GNB1: variants seen among roughly 807,000 people sequenced by gnomAD.
GNB1 encodes guanine nucleotide-binding protein G(I)/G(S)/G(T) subunit beta-1.
GNB1 carries 2 observed loss-of-function variants against 42.9 expected under a neutral mutation model. The observed-to-expected ratio is 0.05, with a 90% CI of 0.02 to 0.15. The LOEUF is 0.15. GNB1 is among the 10% of genes least tolerant of loss of function. The pLI is 1.00. For synonymous variants in GNB1, 183 were observed against 174.7 expected (o/e 1.05, Z -0.38); for missense variants, 193 against 462.2 (o/e 0.42, Z 5.34).
intron 1 of GNB1, among the ~76,000 whole-genome samples, chr1:1,859,120 C>T (rs1268526808): frequency 1.3e-5 from 2 of 151,362 alleles, no homozygotes; most frequent in Admixed American, 6.6e-5. Context: ...CTCTCAGGTT[C>T]AATCAATTCT....
Position 1,790,511 on chromosome 1 carries a change from C to T in GNB1, c.583G>A (p.Asp195Asn). ...GDVMSLSLAPDTRLFVSGACD... is the reference protein window; with the variant it reads ...GDVMSLSLAPNTRLFVSGACD... ...GCACCAGAGACGAACAGTCTGGTGT[C>T]AGGAGCAAGAGAAAGGCTCATGACA... The change falls in exon 9 of 12, where the codon GAC becomes AAC. Residue 195 changes from aspartate to asparagine, a missense_variant. Around this residue, in one of 2 missense-constraint regions of GNB1, gnomAD observed 150 missense variants for 410.8 expected, o/e 0.37. Transcript: ENST00000378609. The surrounding 1 kb of genome is among the most constrained non-coding windows in gnomAD (Gnocchi z 5.4). 6.2e-7 allele frequency: 1 copy of T among 1,613,076 alleles called. No individual in the cohort carries two copies. Among genetic ancestry groups the T allele is most frequent in the Non-Finnish European group, 8.5e-7 (1 of 1,179,090 alleles).
At chr1:1,873,875 C>T (rs1358254945) in intron 1 of GNB1, among the ~76,000 whole-genome samples, 8 of 152,128 alleles carry the variant, frequency 5.3e-5, no homozygotes, top group Admixed American at 2.6e-4. Flanking sequence ...GGAGCAGGAT[C>T]CCTGTGGCAC....
At chr1:1,813,857 A>G (rs546372445) in intron 5 of GNB1, among the ~76,000 whole-genome samples, 10 of 152,358 alleles carry the variant, frequency 6.6e-5, no homozygotes, top group African/African-American at 2.4e-4. Context: ...ACGGAGTACA[A>G]TGTGATATTC....
rs544779140 is a variant in GNB1 at position 1,856,878 on chromosome 1, C to T, written c.-95-17640G>A. Among the ~76,000 whole-genome samples, 4 of 152,188 alleles carry T rather than the reference C, an allele frequency of 2.6e-5. No homozygotes were observed. The South Asian group carries it at 8.3e-4, about 32-fold the overall frequency. On this transcript the variant is annotated intron_variant, in intron 1 of 11. Transcript: ENST00000378609. ...AAAAATATTATTAATTCAGAAGGCCCAAGAAAAAGGCTCTTGTACTGTTCA... is the reference window on the plus strand; with the variant it reads ...AAAAATATTATTAATTCAGAAGGCCTAAGAAAAAGGCTCTTGTACTGTTCA...
At chr1:1,808,096 C>T (rs1436852112) in intron 5 of GNB1, among the ~76,000 whole-genome samples, 3 of 151,982 alleles carry the variant, frequency 2.0e-5, no homozygotes, top group Non-Finnish European at 4.4e-5. Context: ...CCTCCACTTC[C>T]CAGATTTGAG....
chr1:1,860,504 G>A (rs1299642015), intron 1 of GNB1, among the ~76,000 whole-genome samples: 1 of 152,064 alleles, frequency 6.6e-6, no homozygotes, highest in Non-Finnish European at 1.5e-5. Flanking sequence ...AGTCGTGGTG[G>A]TGGGCGCCTG....
chr1:1,803,921 G>T (rs1299936259), intron 7 of GNB1, among the ~76,000 whole-genome samples: 1 of 143,760 alleles, frequency 7.0e-6, no homozygotes, highest in Non-Finnish European at 1.5e-5. Flanking sequence ...ATCAGAGGTT[G>T]CAGTGAGCCA....
intron 7 of GNB1, among the ~76,000 whole-genome samples, chr1:1,800,204 A>T (rs929848614): frequency 6.6e-6 from 1 of 152,216 alleles, no homozygotes; most frequent in South Asian, 2.1e-4. Context: ...ACAAGGACCA[A>T]CCTCAGGAAG....
At chr1:1,806,866 C>T (rs1237953457) in intron 5 of GNB1, among the ~76,000 whole-genome samples, 1 of 151,970 alleles carries the variant, frequency 6.6e-6, no homozygotes, top group African/African-American at 2.4e-5. Flanking sequence ...CCCAGCTACT[C>T]GGGAGGCTGA....
At chr1:1,820,548 G>C (rs960565784) in intron 3 of GNB1, among the ~76,000 whole-genome samples, 1 of 152,048 alleles carries the variant, frequency 6.6e-6, no homozygotes, top group Non-Finnish European at 1.5e-5. Context: ...AGAATACTTA[G>C]AGCAGCAGAA....
At chr1:1,883,340 A>G in intron 1 of GNB1, among the ~76,000 whole-genome samples, 1 of 152,024 alleles carries the variant, frequency 6.6e-6, no homozygotes, top group Non-Finnish European at 1.5e-5. Context: ...GATGTGAGAG[A>G]TTTAGTAGAA....
chr1:1,838,104 G>A (rs997305192), intron 2 of GNB1, among the ~76,000 whole-genome samples: 1 of 152,024 alleles, frequency 6.6e-6, no homozygotes, highest in East Asian at 2.0e-4. Context: ...TTGGGAGGCT[G>A]AGACAGGAGA....
intron 1 of GNB1, among the ~76,000 whole-genome samples, chr1:1,875,143 C>T (rs1049447427): frequency 2.6e-5 from 4 of 152,056 alleles, no homozygotes; most frequent in African/African-American, 9.7e-5. Context: ...TCCTAAGAGA[C>T]CACAGCCCAG....
chr1:1,829,235 T>G (rs1404674185), intron 2 of GNB1, among the ~76,000 whole-genome samples: 1 of 152,126 alleles, frequency 6.6e-6, no homozygotes, highest in African/African-American at 2.4e-5. Flanking sequence ...TTTTGTATTT[T>G]TAGTAGAGAC....
chr1:1,854,761 A>G (rs1014411294), intron 1 of GNB1, among the ~76,000 whole-genome samples: 1 of 152,216 alleles, frequency 6.6e-6, no homozygotes, highest in Non-Finnish European at 1.5e-5. Flanking sequence ...TAAAAAGTGC[A>G]GTGGCTCACA....
At chr1:1,796,246 G>A (rs957955546) in intron 7 of GNB1, among the ~76,000 whole-genome samples, 3 of 152,192 alleles carry the variant, frequency 2.0e-5, no homozygotes, top group African/African-American at 7.2e-5. Context: ...AGGATGGGTG[G>A]TGCAATGCCC....
intron 1 of GNB1, among the ~76,000 whole-genome samples, chr1:1,858,018 C>T (rs1648401209): frequency 6.6e-6 from 1 of 152,234 alleles, no homozygotes; most frequent in Admixed American, 6.5e-5. Flanking sequence ...TTCCCTCTGG[C>T]ACTGCACTAG....
chr1:1,867,978 G>T (rs1279258524), intron 1 of GNB1, among the ~76,000 whole-genome samples: 3 of 151,990 alleles, frequency 2.0e-5, no homozygotes, highest in African/African-American at 7.3e-5. Context: ...AAATCTACTA[G>T]GAAACGTTCC....
intron 1 of GNB1, among the ~76,000 whole-genome samples, chr1:1,867,311 C>G: frequency 6.6e-6 from 1 of 152,254 alleles, no homozygotes; most frequent in South Asian, 2.1e-4. Flanking sequence ...GGCTGCAATG[C>G]GGCCCACAGG....
Sources: allele counts gnomAD v4.1 joint callset (sites outside exome capture counted in the v4.1 genomes callset), GRCh38; gene constraint gnomAD v4.1.1; regional missense constraint gnomAD v4.1.1; non-coding constraint Gnocchi (gnomAD v3.1); transcripts MANE v1.5; gene names NCBI Gene and HGNC (gene_info 2026-07-23, HGNC 2026-07-21).